Variants in CTNNA2 observed in about 807,000 individuals in gnomAD.
The protein encoded by CTNNA2 is catenin alpha-2.
CTNNA2 carries 42 observed loss-of-function variants against 101.0 expected under a neutral mutation model. The ratio of observed to expected loss-of-function variants is 0.42; its 90% confidence interval spans 0.32 to 0.54. The LOEUF is 0.54. CTNNA2 is among the 20% of genes least tolerant of loss of function. The pLI, the probability that CTNNA2 is intolerant of heterozygous loss-of-function variation, is 0.14. For synonymous variants in CTNNA2, 450 were observed against 456.4 expected, an observed-to-expected ratio of 0.99 and a Z score of 0.18; for missense variants, 871 against 1,223.1, an observed-to-expected ratio of 0.71 and a Z score of 4.29.
At chr2:80,206,007 G>A (rs1263609830) in intron 7 of CTNNA2, among the ~76,000 whole-genome samples, 1 of 152,128 alleles carries the variant, frequency 6.6e-6, no homozygotes, top group African/African-American at 2.4e-5. Context: ...ACATTACAAT[G>A]AATTATATTT....
chr2:80,048,487 A>G (rs1462680118), intron 7 of CTNNA2, among the ~76,000 whole-genome samples: 2 of 152,206 alleles, frequency 1.3e-5, no homozygotes, highest in Non-Finnish European at 2.9e-5. Context: ...GAGCTGAGAA[A>G]ATGAGAGTCA....
chr2:79,218,868 T>G (rs1245771913), intron 2 of CTNNA2, among the ~76,000 whole-genome samples: 1 of 152,186 alleles, frequency 6.6e-6, no homozygotes, highest in East Asian at 1.9e-4. Context: ...TTATGGCAAT[T>G]TTTGATTGAT....
At chr2:79,602,903 A>G (rs1257384592) in intron 1 of CTNNA2, among the ~76,000 whole-genome samples, 1 of 152,200 alleles carries the variant, frequency 6.6e-6, no homozygotes, top group African/African-American at 2.4e-5. Context: ...CCATAAATTC[A>G]ATGGTGTTTC....
intron 9 of CTNNA2, among the ~76,000 whole-genome samples, chr2:80,457,590 G>A (rs1001448593): frequency 1.3e-5 from 2 of 152,006 alleles, no homozygotes; most frequent in Non-Finnish European, 2.9e-5. Context: ...GGCTTCGTAA[G>A]ATCCATTGTA....
intron 7 of CTNNA2, among the ~76,000 whole-genome samples, chr2:80,213,581 GT>G (rs1273801026): frequency 6.6e-6 from 1 of 152,192 alleles, no homozygotes; most frequent in African/African-American, 2.4e-5. Context: ...CTGAGAGACA[GT>G]TTGTTATAAT....
At chr2:79,338,844 G>A (rs1419803391) in intron 3 of CTNNA2, among the ~76,000 whole-genome samples, 2 of 152,092 alleles carry the variant, frequency 1.3e-5, no homozygotes, top group Non-Finnish European at 2.9e-5. Flanking sequence ...AAGATAGAGA[G>A]GAAGGTGTGA....
intron 7 of CTNNA2, among the ~76,000 whole-genome samples, chr2:80,044,455 T>C (rs1471541871): frequency 6.6e-6 from 1 of 152,098 alleles, no homozygotes; most frequent in East Asian, 1.9e-4. Context: ...AAGCAAACAG[T>C]CATCTAAAAT....
chr2:80,404,091 T>C (rs796763222), intron 8 of CTNNA2, among the ~76,000 whole-genome samples: 8 of 152,174 alleles, frequency 5.3e-5, no homozygotes, highest in African/African-American at 1.4e-4. Flanking sequence ...GTTATCCTGC[T>C]AGGTTTTGGT....
At chr2:79,408,489 G>A (rs1573151640) in intron 4 of CTNNA2, among the ~76,000 whole-genome samples, 1 of 140,116 alleles carries the variant, frequency 7.1e-6, no homozygotes, top group Non-Finnish European at 1.5e-5. Flanking sequence ...AGAGTGTGAT[G>A]TTCCCCTTTC....
intron 1 of CTNNA2, among the ~76,000 whole-genome samples, chr2:79,629,020 A>G (rs1014356108): frequency 5.9e-5 from 9 of 152,174 alleles, no homozygotes; most frequent in Non-Finnish European, 1.3e-4. Context: ...TTCCTGTTGT[A>G]CCAAGAATAA....
At chr2:79,453,825 T>G (rs1182871164) in intron 4 of CTNNA2, among the ~76,000 whole-genome samples, 1 of 152,162 alleles carries the variant, frequency 6.6e-6, no homozygotes, top group African/African-American at 2.4e-5. Flanking sequence ...TCTTTGGAGA[T>G]GTATGAGAGG....
intron 9 of CTNNA2, among the ~76,000 whole-genome samples, chr2:80,455,305 A>G (rs1683870709): frequency 6.6e-6 from 1 of 152,232 alleles, no homozygotes; most frequent in Non-Finnish European, 1.5e-5. Flanking sequence ...AAAGACATAA[A>G]GAGAAACTGT....
chr2:79,431,835 G>A (rs914979413), intron 4 of CTNNA2, among the ~76,000 whole-genome samples: 82 of 152,272 alleles, frequency 5.4e-4, no homozygotes, highest in African/African-American at 1.9e-3. Flanking sequence ...CCATAGGCCT[G>A]TATGTTGCTC....
At chr2:80,417,558 G>T (rs1680153285) in intron 8 of CTNNA2, among the ~76,000 whole-genome samples, 1 of 151,058 alleles carries the variant, frequency 6.6e-6, no homozygotes, top group Non-Finnish European at 1.5e-5. Context: ...CATTTGATGT[G>T]GTGTTTATTC....
At chr2:80,291,685 G>A (rs1182613788) in intron 7 of CTNNA2, among the ~76,000 whole-genome samples, 1 of 152,158 alleles carries the variant, frequency 6.6e-6, no homozygotes, top group South Asian at 2.1e-4. Flanking sequence ...TGCAAGCTGG[G>A]TAGCAGTTTT....
chr2:80,417,722 T>A (rs1204525449), intron 8 of CTNNA2, among the ~76,000 whole-genome samples: 1 of 152,098 alleles, frequency 6.6e-6, no homozygotes, highest in African/African-American at 2.4e-5. Context: ...AATGGTAGGT[T>A]GCAGTTTTAA....
chr2:80,446,046 G>A (rs991099937), intron 9 of CTNNA2, among the ~76,000 whole-genome samples: 1 of 152,170 alleles, frequency 6.6e-6, no homozygotes, highest in African/African-American at 2.4e-5. Context: ...TCTGGTAATT[G>A]TTCCTGCATA....
chr2:79,886,648 G>A (rs1683888172), intron 6 of CTNNA2, among the ~76,000 whole-genome samples: 2 of 146,600 alleles, frequency 1.4e-5, no homozygotes, highest in South Asian at 4.6e-4. Context: ...CTACTCGGGA[G>A]GCTGAGGTAG....
At chr2:79,524,410 G>T (rs187294641) in intron 1 of CTNNA2, among the ~76,000 whole-genome samples, 5 of 151,546 alleles carry the variant, frequency 3.3e-5, no homozygotes. Flanking sequence ...TTTTATATTT[G>T]GTTTTGTCTC....
Sources: gnomAD v4.1 joint callset for allele counts (sites outside exome capture counted in the v4.1 genomes callset) on GRCh38, gnomAD v4.1.1 for gene constraint, MANE v1.5 for transcripts, NCBI Gene and HGNC (gene_info 2026-07-23, HGNC 2026-07-21) for gene names.